Variants in APH1B observed in about 807,000 individuals in gnomAD.
The protein encoded by APH1B is gamma-secretase subunit APH-1B.
A neutral mutation model predicts 28.2 loss-of-function variants in APH1B; 27 were observed. The ratio of observed to expected loss-of-function variants is 0.96; its 90% CI spans 0.70 to 1.32. APH1B has a LOEUF of 1.32. Ranked by LOEUF, APH1B falls within the 40% of genes most tolerant of loss-of-function variation. The pLI is 0.00. For synonymous variants in APH1B, 141 were observed against 124.6 expected (o/e 1.13, Z -0.88); for missense variants, 305 against 313.6 (o/e 0.97, Z 0.21).
rs190033392 is a variant in APH1B at position 63,303,565 on chromosome 15, G to A, written c.606+1093G>A. ...GGCTGGAGTGCGGTGGCACGATCAC[G>A]GCTCATTGCAGCCTCGACCTCCTGG... On this transcript the variant is annotated intron_variant, in intron 5 of 5. Coordinates refer to ENST00000261879, the MANE Select transcript of APH1B (RefSeq NM_031301.4). Among the ~76,000 whole-genome samples, 27 of 152,266 alleles carry A rather than the reference G, an allele frequency of 1.8e-4. 1 individual carries two copies. The highest frequency in any genetic ancestry group is 6.2e-4 in the South Asian group (3 of 4,832).
At position 63,279,169 on chromosome 15, in the gene APH1B, T is replaced by C. The variant is rs1376281859; in HGVS notation, c.122T>C (p.Phe41Ser). ...RIIFLIAGAFFWLVSLLISSL... is the reference protein window; with the variant it reads ...RIIFLIAGAFSWLVSLLISSL... ...TTTCCCGTATTTTTCAGAGCTTTCT[T>C]CTGGTTGGTGTCTCTACTGATTTCG... Residue 41 changes from phenylalanine to serine, a missense_variant, in exon 2 of 6, where the codon TTC (phenylalanine) becomes TCC (serine). Transcript: ENST00000261879. 6.3e-7 allele frequency: 1 copy of C among 1,592,992 alleles called. No homozygotes were observed. Among genetic ancestry groups the C allele is most frequent in the Admixed American group, 1.7e-5 (1 of 59,660 alleles).
At chr15:63,284,514 A>T (rs2038425766) in intron 2 of APH1B, among the ~76,000 whole-genome samples, 1 of 152,202 alleles carries the variant, frequency 6.6e-6, no homozygotes, top group South Asian at 2.1e-4. Flanking sequence ...GCGCCTGGCC[A>T]ATATGTGCTG....
chr15:63,303,294 G>A (rs1357054035), intron 5 of APH1B, among the ~76,000 whole-genome samples: 2 of 152,188 alleles, frequency 1.3e-5, no homozygotes, highest in African/African-American at 4.8e-5. Context: ...CCATGACGCT[G>A]GCTTCAACAC....
intron 4 of APH1B, among the ~76,000 whole-genome samples, chr15:63,294,426 C>T (rs957376433): frequency 6.6e-6 from 1 of 152,208 alleles, no homozygotes; most frequent in Admixed American, 6.5e-5. Flanking sequence ...TCAACCTCCT[C>T]CATGCCCACT....
intron 4 of APH1B, among the ~76,000 whole-genome samples, chr15:63,294,597 C>T (rs2152598348): frequency 6.6e-6 from 1 of 152,356 alleles, no homozygotes; most frequent in East Asian, 1.9e-4. Context: ...ACATGTTTCA[C>T]TTACTGTGCA....
At chr15:63,296,332 A>G (rs1295437579) in intron 4 of APH1B, among the ~76,000 whole-genome samples, 1 of 152,224 alleles carries the variant, frequency 6.6e-6, no homozygotes, top group Non-Finnish European at 1.5e-5. Flanking sequence ...GCCTCTGGGC[A>G]GCTGCGGCTG....
In APH1B at chr15:63,307,408, C is replaced by G. The variant is rs1247484114; in HGVS notation, c.*1627C>G. 5 of 152,182 alleles carry G rather than the reference C, an allele frequency of 3.3e-5. No individual in the cohort carries two copies. The East Asian group carries it at 9.6e-4, about 29-fold the overall frequency. The allele number at this position is 152,182 out of a possible 1,614,324, so 9.4% of individuals were successfully genotyped here. A position where few individuals can be genotyped will look rare whatever the true frequency, so the allele number is the denominator to read the frequency against. ...TAGAGATAAAAGAAGAGGAGGGCTT[C>G]TATCAATGCTGTAAACAGTCTGATA... On this transcript the variant is annotated 3_prime_UTR_variant, in exon 6 of 6. Transcript: ENST00000261879.
chr15:63,281,856 C>T (rs192450209), intron 2 of APH1B, among the ~76,000 whole-genome samples: 248 of 151,710 alleles, frequency 1.6e-3, no homozygotes, highest in African/African-American at 5.4e-3. Flanking sequence ...AGTAGGACCA[C>T]ATGAGGAAGA....
In APH1B at chr15:63,279,263, G is replaced by A. The variant is rs1555425613; in HGVS notation, c.216G>A (p.Leu72=). The change falls in exon 2 of 6, where the codon CTG becomes CTA. Residue 72 remains leucine, a synonymous_variant. Coordinates refer to ENST00000261879, the MANE Select transcript of APH1B (RefSeq NM_031301.4). ...NKDGPTQKYL[L]IFGAFVSVYI... is the part of the protein sequence containing the mutation. ...ATGGACCAACACAGAAATATCTGCT[G>A]ATCTTTGGAGCGTTTGTCTCTGTCT... is the stretch of plus-strand genomic sequence containing the variant. 6.2e-7 allele frequency: 1 copy of A among 1,612,512 alleles called. No homozygotes were observed. Among genetic ancestry groups the A allele is most frequent in the Non-Finnish European group, 8.5e-7 (1 of 1,178,978 alleles).
intron 2 of APH1B, among the ~76,000 whole-genome samples, chr15:63,283,943 A>T (rs529706002): frequency 6.6e-6 from 1 of 152,146 alleles, no homozygotes; most frequent in Non-Finnish European, 1.5e-5. Context: ...TTAAAAGACC[A>T]TCTCTCTTTC....
At chr15:63,278,503 T>C in intron 1 of APH1B, 1 of 369,762 alleles carries the variant, frequency 2.7e-6, no homozygotes, top group East Asian at 7.4e-5. Flanking sequence ...CCCACAAACG[T>C]ATTGAAAGTG....
rs1348185563 is a variant in APH1B at position 63,304,547 on chromosome 15, CTT to C, written c.607-1066_607-1065del. ...GTGGCATGGTTTGTCTTTACATTCT[CTT>C]AATGTCTTTCGGTGAACAAAAGTTC... On this transcript the variant is annotated intron_variant, in intron 5 of 5. Transcript: ENST00000261879. The surrounding 1 kb of genome is among the most constrained non-coding windows in gnomAD (Gnocchi z 5.1). 2.0e-5 allele frequency among the ~76,000 whole-genome samples: 3 copies of C among 152,114 alleles called. No individual in the cohort carries two copies. The highest frequency in any genetic ancestry group is 4.4e-5 in the Non-Finnish European group (3 of 68,018).
chr15:63,303,894 C>A (rs1012352350), intron 5 of APH1B, among the ~76,000 whole-genome samples: 2 of 151,420 alleles, frequency 1.3e-5, no homozygotes, highest in African/African-American at 4.9e-5. Flanking sequence ...CACACACACA[C>A]ACACACACAC....
chr15:63,286,510 C>CTTT (rs58838039), intron 2 of APH1B, 48 bp from the exon 3 acceptor site: 132 of 1,242,238 alleles, frequency 1.1e-4, no homozygotes, highest in Admixed American at 1.8e-4. Flanking sequence ...ATTGCTCTTC[C>CTTT]TTTTTTTTTT....
chr15:63,297,341 A>G (rs1055351757), intron 4 of APH1B, among the ~76,000 whole-genome samples: 1 of 152,170 alleles, frequency 6.6e-6, no homozygotes, highest in Non-Finnish European at 1.5e-5. Flanking sequence ...AGCCTGGGCA[A>G]CATGACAAAA....
rs547577097 is a variant in APH1B, at chr15:63,285,952, G to A, written c.285-606G>A. Among the ~76,000 whole-genome samples, 8 of 152,304 alleles carry A rather than the reference G, an allele frequency of 5.3e-5. No individual in the cohort carries two copies. The East Asian group carries it at 7.7e-4, about 15-fold the overall frequency. The stretch of plus-strand genomic sequence containing the variant: ...CAGAAGATCATATGATTAAATACTC[G>A]TGAGAGTTCAGACCATCAGTATTAT... On this transcript the variant is annotated intron_variant, in intron 2 of 5. Transcript: ENST00000261879.
At chr15:63,302,280 A>T (rs1243334958) in intron 4 of APH1B, 65 bp from the exon 5 acceptor site, 1 of 1,572,352 alleles carries the variant, frequency 6.4e-7, no homozygotes, top group Admixed American at 1.8e-5. Flanking sequence ...GCCCGTGCAC[A>T]GTGCCAGGGT....
At position 63,307,324 on chromosome 15, in the gene APH1B, G is replaced by A. The variant is rs552538587; in HGVS notation, c.*1543G>A. The A allele has an allele frequency of 1.3e-5, 2 of 152,214 alleles. No individual in the cohort carries two copies. Among genetic ancestry groups the A allele is most frequent in the East Asian group, 1.9e-4 (1 of 5,178 alleles). The allele number at this position is 152,214 out of a possible 1,614,324, so 9.4% of individuals were successfully genotyped here. Reference sequence around the variant, plus strand: ...CTTACTCATGAACTAGACCTTTATCGATATCAGTGAACCCCCATGTTTAAA... The same window carrying A: ...CTTACTCATGAACTAGACCTTTATCAATATCAGTGAACCCCCATGTTTAAA... On this transcript the variant is annotated 3_prime_UTR_variant, in exon 6 of 6. Transcript: ENST00000261879.
At chr15:63,292,577 T>TG (rs1595761976) in intron 4 of APH1B, among the ~76,000 whole-genome samples, 1 of 151,860 alleles carries the variant, frequency 6.6e-6, no homozygotes, top group East Asian at 2.0e-4. Flanking sequence ...TTTGTGGAGA[T>TG]GGGGGTCTCC....
Sources: allele counts gnomAD v4.1 joint callset (sites outside exome capture counted in the v4.1 genomes callset), GRCh38; gene constraint gnomAD v4.1.1; non-coding constraint Gnocchi (gnomAD v3.1); transcripts MANE v1.5; gene names NCBI Gene and HGNC (gene_info 2026-07-23, HGNC 2026-07-21).